Variants in RALYL observed in about 807,000 individuals in gnomAD.
RALYL encodes RALY RNA binding protein like, also known as RNA-binding Raly-like protein.
RALYL carries 29 observed loss-of-function variants against 35.1 expected under a neutral mutation model. The observed-to-expected ratio is 0.83, with a 90% CI of 0.61 to 1.13. The LOEUF (loss-of-function observed/expected upper bound fraction) is 1.13. RALYL is among the 50% of genes most tolerant of loss of function. The pLI is 0.00. For synonymous variants in RALYL, 120 were observed against 127.6 expected, an observed-to-expected ratio of 0.94 and a Z score of 0.40; for missense variants, 359 against 360.4, an observed-to-expected ratio of 1.00 and a Z score of 0.03.
intron 1 of RALYL, among the ~76,000 whole-genome samples, chr8:84,482,340 G>C (rs2054134570): frequency 6.6e-6 from 1 of 152,002 alleles, no homozygotes; most frequent in African/African-American, 2.4e-5. Flanking sequence ...AAAATGCTTT[G>C]CTGATCTGGT....
intron 2 of RALYL, among the ~76,000 whole-genome samples, chr8:84,651,803 G>A (rs1209716183): frequency 6.6e-6 from 1 of 151,958 alleles, no homozygotes; most frequent in Non-Finnish European, 1.5e-5. Flanking sequence ...GTAATGTATT[G>A]AGCCAATTGT....
chr8:84,317,334 C>T (rs1843943051), intron 1 of RALYL, among the ~76,000 whole-genome samples: 1 of 152,118 alleles, frequency 6.6e-6, no homozygotes, highest in Non-Finnish European at 1.5e-5. Context: ...AATAGATGAT[C>T]AGAGGCTGGG....
At chr8:84,193,495 T>G (rs1411739456) in intron 1 of RALYL, among the ~76,000 whole-genome samples, 1 of 152,194 alleles carries the variant, frequency 6.6e-6, no homozygotes, top group Non-Finnish European at 1.5e-5. Context: ...TTGAGCATTT[T>G]CTTTGTAAGT....
At chr8:84,409,660 T>A (rs553421943) in intron 1 of RALYL, among the ~76,000 whole-genome samples, 1 of 152,000 alleles carries the variant, frequency 6.6e-6, no homozygotes, top group African/African-American at 2.4e-5. Context: ...GATATGAGAC[T>A]TTTTCCATCG....
At chr8:84,510,629 G>A (rs1292126171) in intron 1 of RALYL, among the ~76,000 whole-genome samples, 1 of 152,184 alleles carries the variant, frequency 6.6e-6, no homozygotes, top group East Asian at 1.9e-4. Context: ...TGACCAACAT[G>A]GAGAAACCCC....
At chr8:84,457,827 T>C (rs1461797131) in intron 1 of RALYL, among the ~76,000 whole-genome samples, 1 of 151,832 alleles carries the variant, frequency 6.6e-6, no homozygotes, top group African/African-American at 2.4e-5. Context: ...TTTTTTTCTA[T>C]AATTATTTTT....
intron 2 of RALYL, among the ~76,000 whole-genome samples, chr8:84,643,826 G>T (rs1227762119): frequency 6.6e-6 from 1 of 152,036 alleles, no homozygotes; most frequent in Non-Finnish European, 1.5e-5. Context: ...CTTGGAATGG[G>T]AGGCATGTGG....
At chr8:84,192,164 C>T (rs538430125) in intron 1 of RALYL, among the ~76,000 whole-genome samples, 4 of 152,278 alleles carry the variant, frequency 2.6e-5, no homozygotes, top group Non-Finnish European at 5.9e-5. Context: ...AATGTCTAAC[C>T]TGAATCTAAT....
chr8:84,439,370 G>A (rs566200915), intron 1 of RALYL, among the ~76,000 whole-genome samples: 1 of 152,134 alleles, frequency 6.6e-6, no homozygotes, highest in East Asian at 1.9e-4. Context: ...TGCCTGGTAG[G>A]AATGTTCCTG....
intron 2 of RALYL, among the ~76,000 whole-genome samples, chr8:84,641,143 T>G (rs1826222055): frequency 6.6e-6 from 1 of 151,408 alleles, no homozygotes; most frequent in Admixed American, 6.6e-5. Flanking sequence ...ATAACCTTTT[T>G]ATTTAAAATA....
At chr8:84,262,602 C>A (rs1157810591) in intron 1 of RALYL, among the ~76,000 whole-genome samples, 1 of 151,948 alleles carries the variant, frequency 6.6e-6, no homozygotes, top group Non-Finnish European at 1.5e-5. Flanking sequence ...AATAACTGGC[C>A]TGAATTACTT....
chr8:84,346,557 C>A (rs1350841744), intron 1 of RALYL, among the ~76,000 whole-genome samples: 4 of 152,172 alleles, frequency 2.6e-5, no homozygotes, highest in South Asian at 4.1e-4. Flanking sequence ...CAACCTTCGC[C>A]TCCTGGGTTC....
chr8:84,803,344 C>G (rs545031082), intron 3 of RALYL, among the ~76,000 whole-genome samples: 3 of 152,262 alleles, frequency 2.0e-5, no homozygotes, highest in South Asian at 4.1e-4. Context: ...AAGGCAATTT[C>G]CTTTTGATCA....
intron 1 of RALYL, among the ~76,000 whole-genome samples, chr8:84,358,203 A>C (rs1042851941): frequency 4.6e-5 from 7 of 151,996 alleles, no homozygotes; most frequent in Non-Finnish European, 8.8e-5. Flanking sequence ...GAACTTTTTA[A>C]TGAAGTCATT....
At chr8:84,666,741 C>T (rs1234093730) in intron 2 of RALYL, among the ~76,000 whole-genome samples, 1 of 152,052 alleles carries the variant, frequency 6.6e-6, no homozygotes, top group Non-Finnish European at 1.5e-5. Flanking sequence ...CTTTCTTCCA[C>T]TGCAGTCCTC....
intron 1 of RALYL, among the ~76,000 whole-genome samples, chr8:84,329,284 T>C (rs1015991633): frequency 6.6e-6 from 1 of 152,170 alleles, no homozygotes; most frequent in Non-Finnish European, 1.5e-5. Context: ...TTTAACTTTT[T>C]AATAATAGCC....
At chr8:84,908,177 T>C (rs1311683241) in intron 8 of RALYL, among the ~76,000 whole-genome samples, 3 of 152,196 alleles carry the variant, frequency 2.0e-5, no homozygotes, top group Admixed American at 2.0e-4. Flanking sequence ...AATTAACATA[T>C]TCATCACCCC....
intron 2 of RALYL, among the ~76,000 whole-genome samples, chr8:84,573,563 C>G (rs1334851798): frequency 6.6e-6 from 1 of 151,776 alleles, no homozygotes; most frequent in African/African-American, 2.4e-5. Context: ...AGGTTTTTTA[C>G]AGATCTTGAA....
chr8:84,751,831 G>T (rs1810112573), intron 2 of RALYL, among the ~76,000 whole-genome samples: 1 of 152,044 alleles, frequency 6.6e-6, no homozygotes, highest in Non-Finnish European at 1.5e-5. Context: ...TGTACAGCCT[G>T]TGGAACCATG....
Sources: allele counts gnomAD v4.1 joint callset (sites outside exome capture counted in the v4.1 genomes callset), GRCh38; gene constraint gnomAD v4.1.1; transcripts MANE v1.5; gene names NCBI Gene and HGNC (gene_info 2026-07-23, HGNC 2026-07-21).